The following LRRC43 variants were observed in gnomAD, a reference collection of about 807,000 sequenced individuals.
The protein encoded by LRRC43 is leucine rich repeat containing 43.
A neutral mutation model predicts 64.3 loss-of-function variants in LRRC43; 62 were observed. The observed-to-expected ratio is 0.96, with a 90% CI of 0.79 to 1.19. The LOEUF (loss-of-function observed/expected upper bound fraction) is 1.19. Among genes scored for constraint, LRRC43 ranks in the 50% most tolerant of loss-of-function variants. The pLI is 0.00. For synonymous variants in LRRC43, 422 were observed against 382.3 expected (o/e 1.10, Z -1.21); for missense variants, 868 against 845.0 (o/e 1.03, Z -0.34).
intron 1 of LRRC43, among the ~76,000 whole-genome samples, chr12:122,175,826 C>T (rs542166183): frequency 3.3e-5 from 5 of 151,922 alleles, no homozygotes; most frequent in South Asian, 2.1e-4. Flanking sequence ...ACCACCACGC[C>T]GGGCTAATTT....
At chr12:122,185,921 C>T (rs759593504) in intron 2 of LRRC43, among the ~76,000 whole-genome samples, 2 of 152,166 alleles carry the variant, frequency 1.3e-5, no homozygotes, top group Non-Finnish European at 2.9e-5. Context: ...TTCCTGCCCT[C>T]GCAGGTGGCT....
At chr12:122,199,041 G>A (rs933931319) in intron 7 of LRRC43, among the ~76,000 whole-genome samples, 21 of 150,348 alleles carry the variant, frequency 1.4e-4, no homozygotes, top group Middle Eastern at 3.4e-3. Flanking sequence ...GCAGTGGCGC[G>A]ATCTCGGCTC....
intron 1 of LRRC43, among the ~76,000 whole-genome samples, chr12:122,175,636 T>A (rs981976849): frequency 1.3e-5 from 2 of 151,766 alleles, no homozygotes; most frequent in East Asian, 3.9e-4. Context: ...CCCAAATAGC[T>A]GGGACCACAG....
At chr12:122,182,141 A>G (rs1375656861), upstream of LRRC43, among the ~76,000 whole-genome samples, 2 of 151,688 alleles carry the variant, frequency 1.3e-5, no homozygotes, top group Admixed American at 6.6e-5. Context: ...TAATCCCAAC[A>G]CTTTGGGAGG....
At chr12:122,192,261 T>G (rs1296383567) in intron 6 of LRRC43, among the ~76,000 whole-genome samples, 2 of 152,152 alleles carry the variant, frequency 1.3e-5, no homozygotes, top group African/African-American at 2.4e-5. Flanking sequence ...CTCAGCCTCC[T>G]GAGTAGCTGG....
At chr12:122,174,814 T>C (rs1455730713) in intron 1 of LRRC43, among the ~76,000 whole-genome samples, 1 of 152,036 alleles carries the variant, frequency 6.6e-6, no homozygotes, top group Non-Finnish European at 1.5e-5. Flanking sequence ...TCCAGAGTTA[T>C]TGCTTGAAAT....
intron 1 of LRRC43, among the ~76,000 whole-genome samples, chr12:122,170,357 C>T (rs911285521): frequency 2.6e-5 from 4 of 152,224 alleles, no homozygotes; most frequent in Non-Finnish European, 4.4e-5. Flanking sequence ...CGGGGCCGGG[C>T]ACGGTGGCTC....
chr12:122,194,215 T>G (rs1462614502), intron 7 of LRRC43, among the ~76,000 whole-genome samples: 1 of 150,600 alleles, frequency 6.6e-6, no homozygotes, highest in African/African-American at 2.4e-5. Context: ...ATAAAGTTGT[T>G]TTTTTTTTTA....
At chr12:122,178,687 G>A (rs555323565), upstream of LRRC43, among the ~76,000 whole-genome samples, 8 of 143,246 alleles carry the variant, frequency 5.6e-5, no homozygotes, top group East Asian at 1.7e-3. Flanking sequence ...TGCCTCCCGG[G>A]TTCAAGCGAT....
In LRRC43 at chr12:122,175,692, G is replaced by T. The variant is rs188269962; in HGVS notation, c.-406+7910G>T. ...TTTTTTTTTTCTTTTTTGAGACAGA[G>T]TTTCGCTCTTGTTGCCCAGGCTGGA... is the stretch of plus-strand genomic sequence containing the variant. On this transcript the variant is annotated intron_variant, in intron 1 of 5. Coordinates refer to the LRRC43 transcript ENST00000537729. Among the ~76,000 whole-genome samples, 253 of 151,278 alleles carry T rather than the reference G, an allele frequency of 1.7e-3. 3 individuals carry two copies. The highest frequency in any genetic ancestry group is 5.7e-3 in the African/African-American group (233 of 41,200).
chr12:122,179,595 C>T (rs543536461), upstream of LRRC43, among the ~76,000 whole-genome samples: 10 of 152,158 alleles, frequency 6.6e-5, no homozygotes, highest in Admixed American at 3.9e-4. Flanking sequence ...GTGTGGAAGT[C>T]GTGTGGAGCC....
intron 1 of LRRC43, among the ~76,000 whole-genome samples, chr12:122,169,835 G>T (rs7955910): frequency 0.44 from 66,882 of 151,578 alleles, 15,165 homozygotes; most frequent in East Asian, 0.69. Flanking sequence ...TTGAAACAAG[G>T]TCTCACTCTG....
At chr12:122,187,469 C>T (rs1174155986) in intron 3 of LRRC43, 1 of 482,368 alleles carries the variant, frequency 2.1e-6, no homozygotes, top group African/African-American at 1.9e-5. Flanking sequence ...AGCATCACCC[C>T]CCATTCCAGA....
At chr12:122,190,899 G>A (rs767688716) in intron 5 of LRRC43, among the ~76,000 whole-genome samples, 9 of 151,738 alleles carry the variant, frequency 5.9e-5, no homozygotes, top group Non-Finnish European at 1.2e-4. Context: ...AGCCCAGGAG[G>A]TGGAGGCTGC....
intron 7 of LRRC43, among the ~76,000 whole-genome samples, chr12:122,197,954 T>C (rs994123644): frequency 5.3e-5 from 8 of 152,112 alleles, no homozygotes; most frequent in Non-Finnish European, 1.2e-4. Flanking sequence ...CTAACATTTC[T>C]TTAACCTGAG....
rs777796530 is a variant in LRRC43 at position 122,187,824 on chromosome 12, G to A, written c.646G>A (p.Val216Ile). The A allele has an allele frequency of 4.2e-5, 68 of 1,613,916 alleles. No individual in the cohort carries two copies. Among genetic ancestry groups the A allele is most frequent in the Non-Finnish European group, 5.3e-5 (63 of 1,179,978 alleles). The change falls in exon 4 of 12, where the codon GTC becomes ATC. Residue 216 changes from valine (V) to isoleucine (I), a missense_variant. Coordinates refer to ENST00000339777, the MANE Select transcript of LRRC43 (RefSeq NM_001098519.2). ...KLLGPLESLY[V>I]TANHWPNLVS... The stretch of plus-strand genomic sequence containing the variant: ...TCTAGGCCCCTTGGAAAGTCTCTAC[G>A]TCACCGCTAATCACTGGTAACTCGG...
intron 1 of LRRC43, chr12:122,172,637 T>C (rs1953496479): frequency 6.2e-7 from 1 of 1,614,056 alleles, no homozygotes; most frequent in Non-Finnish European, 8.5e-7. Flanking sequence ...TCTTGAGATA[T>C]GCCCGGATGG....
intron 1 of LRRC43, among the ~76,000 whole-genome samples, chr12:122,171,228 C>T (rs1240980219): frequency 6.6e-6 from 1 of 152,208 alleles, no homozygotes; most frequent in Non-Finnish European, 1.5e-5. Flanking sequence ...CTGAGTAAGG[C>T]AGAGAAGCTC....
chr12:122,178,440 C>T (rs893913750), upstream of LRRC43, among the ~76,000 whole-genome samples: 4 of 152,076 alleles, frequency 2.6e-5, no homozygotes, highest in Non-Finnish European at 5.9e-5. Context: ...ACCTAAATGT[C>T]CACCTGAATG....
Sources: allele counts gnomAD v4.1 joint callset (sites outside exome capture counted in the v4.1 genomes callset), GRCh38; gene constraint gnomAD v4.1.1; transcripts MANE v1.5; gene names NCBI Gene and HGNC (gene_info 2026-07-23, HGNC 2026-07-21).